The following FOXK1 variants were observed in gnomAD, a reference collection of about 807,000 sequenced individuals.
The protein encoded by FOXK1 is forkhead box protein K1.
A neutral mutation model predicts 51.9 loss-of-function variants in FOXK1; 19 were observed. That is an observed-to-expected ratio of 0.37 (90% CI 0.26 to 0.54). The LOEUF (loss-of-function observed/expected upper bound fraction) is 0.54. FOXK1 is among the 20% of genes least tolerant of loss of function. The pLI is 0.87. For missense variants in FOXK1, 870 were observed against 1,032.7 expected, an observed-to-expected ratio of 0.84 and a Z score of 2.16; for synonymous variants, 537 against 482.6, an observed-to-expected ratio of 1.11 and a Z score of -1.48.
At position 4,682,423 on chromosome 7, in the gene FOXK1, C is replaced by G. The variant is rs1041719660; in HGVS notation, c.115C>G (p.Pro39Ala). The change falls in exon 1 of 9, where the codon CCC becomes GCC. Residue 39 changes from proline (P) to alanine (A), a missense_variant. Physicochemically the swap from Pro to Ala is conservative, Grantham distance 27. Coordinates refer to ENST00000328914, the MANE Select transcript of FOXK1 (RefSeq NM_001037165.2). The surrounding 1 kb of genome is among the most constrained non-coding windows in gnomAD (Gnocchi z 7.6). The stretch of plus-strand genomic sequence containing the variant: ...CGCCGCCGCCTTCCCCGCGGCCGCA[C>G]CCCCGCCGGCCCCCGCGCAGCCCCA... ...AAAAAFPAAAPPPAPAQPQPP... is the reference protein window; with the variant it reads ...AAAAAFPAAAAPPAPAQPQPP... 2.0e-6 allele frequency: 2 copies of G among 980,786 alleles called. No individual in the cohort carries two copies. Among genetic ancestry groups the G allele is most frequent in the Non-Finnish European group, 2.4e-6 (2 of 828,454 alleles). 60.8% of individuals were successfully genotyped at this position (980,786 alleles called of 1,614,324 possible). A position where few individuals can be genotyped will look rare whatever the true frequency, so the allele number is the denominator to read the frequency against.
At position 4,723,821 on chromosome 7, in the gene FOXK1, C is replaced by T. The variant is rs1363361296; in HGVS notation, c.561-17017C>T. On this transcript the variant is annotated intron_variant, in intron 1 of 8. Transcript: ENST00000328914. The surrounding 1 kb of genome is among the most constrained non-coding windows in gnomAD (Gnocchi z 4.7). ...TAGCTGAGACTACCAGTGTGCACCA[C>T]CACACCTGGCTGACTTCTTTGTATT... Among the ~76,000 whole-genome samples, 2 of 152,110 alleles carry T rather than the reference C, an allele frequency of 1.3e-5. No homozygotes were observed.
At chr7:4,705,554 T>TCTCTCTCTCTCGCTCTCGCTCTCG (rs895937029) in intron 1 of FOXK1, among the ~76,000 whole-genome samples, 1 of 131,514 alleles carries the variant, frequency 7.6e-6, no homozygotes, top group Middle Eastern at 3.6e-3. Context: ...TCTCTCTCTC[T>TCTCTCTCTCTCGCTCTCGCTCTCG]CTCTCGCTCT....
chr7:4,691,852 T>C lies in FOXK1; in HGVS notation c.560+8984T>C, dbSNP rs540726324. 1.9e-3 allele frequency among the ~76,000 whole-genome samples: 283 copies of C among 152,228 alleles called. 1 individual carries two copies. The highest frequency in any genetic ancestry group is 6.5e-3 in the African/African-American group (268 of 41,524). ...CAGAGACCCTGTTATTATGAAGCTG[T>C]CCTCTAACCTGTTCCCCTAAGTGTC... On this transcript the variant is annotated intron_variant, in intron 1 of 8. Transcript: ENST00000328914.
chr7:4,740,859 C>T lies in FOXK1; in HGVS notation c.582C>T (p.Ser194=), dbSNP rs776338734. 65 of 1,595,964 alleles carry T rather than the reference C, an allele frequency of 4.1e-5. No individual in the cohort carries two copies. The highest frequency in any genetic ancestry group is 3.3e-4 in the Middle Eastern group (2 of 6,050). Residue 194 remains serine (S), a synonymous_variant, in exon 2 of 9, where the codon AGC becomes AGT. Transcript: ENST00000328914. The part of the protein sequence containing the change: ...LPKQCTFRFP[S]TAIKIQFTSL... ...GCAGGTGTACCTTCCGGTTTCCCAGCACGGCCATCAAGATCCAGTTCACGT... is the reference window on the plus strand; with the variant it reads ...GCAGGTGTACCTTCCGGTTTCCCAGTACGGCCATCAAGATCCAGTTCACGT...
At position 4,716,671 on chromosome 7, in the gene FOXK1, C is replaced by T. The variant is rs114037240; in HGVS notation, c.561-24167C>T. On this transcript the variant is annotated intron_variant, in intron 1 of 8. Transcript: ENST00000328914. ...CAAGACCCAGTGCTGCTCTTGGAAG[C>T]GGGTGAGTACAGAGGCCAGTGAGGG... Among the ~76,000 whole-genome samples, 656 of 152,220 alleles carry T rather than the reference C, an allele frequency of 4.3e-3. 6 individuals carry two copies. The highest frequency in any genetic ancestry group is 0.015 in the African/African-American group (630 of 41,532).
rs1313106910 is a variant in FOXK1, at chr7:4,740,939, A to C, written c.662A>C (p.Gln221Pro). The change falls in exon 2 of 9, where the codon CAG becomes CCG. Residue 221 changes from glutamine to proline, a missense_variant. Physicochemically the swap from Gln to Pro is moderately conservative, Grantham distance 76. This residue lies in a region of FOXK1 where 399 missense variants were observed against 475.6 expected (regional missense o/e 0.84). Coordinates refer to ENST00000328914, the MANE Select transcript of FOXK1 (RefSeq NM_001037165.2). Reference sequence around the variant, plus strand: ...TCCCCGCTGCGGCCACTGTACCCCCAGATCTCCCCTCTGAAGATCCACATC... The same window carrying C: ...TCCCCGCTGCGGCCACTGTACCCCCCGATCTCCCCTCTGAAGATCCACATC... The part of the protein sequence containing the change: ...PASPLRPLYP[Q>P]ISPLKIHIPE... 1.9e-6 allele frequency: 3 copies of C among 1,582,296 alleles called. No homozygotes were observed. The Admixed American group carries it at 5.5e-5, about 29-fold the overall frequency.
At chr7:4,744,558 C>A (rs542663045) in intron 2 of FOXK1, among the ~76,000 whole-genome samples, 1 of 152,354 alleles carries the variant, frequency 6.6e-6, no homozygotes, top group African/African-American at 2.4e-5. Flanking sequence ...CCAGCTCCAT[C>A]GCGTTGCTGC....
At position 4,706,036 on chromosome 7, in the gene FOXK1, G is replaced by GTGTATATATGTA. The variant is rs1562373226; in HGVS notation, c.560+23169_560+23170insGTATATATGTAT. Among the ~76,000 whole-genome samples the GTGTATATATGTA allele has an allele frequency of 4.8e-5, 6 of 125,584 alleles. 1 individual carries two copies. Among genetic ancestry groups the GTGTATATATGTA allele is most frequent in the African/African-American group, 1.3e-4 (3 of 23,496 alleles). 82.4% of individuals were successfully genotyped at this position (125,584 alleles called of 152,430 possible). On this transcript the variant is annotated intron_variant, in intron 1 of 8. Coordinates refer to ENST00000328914, the MANE Select transcript of FOXK1 (RefSeq NM_001037165.2). Reference sequence around the variant, plus strand: ...TACGTATATATACGTGTATATACGTGTATATACGTGTATATATGTATATAT... The same window carrying GTGTATATATGTA: ...TACGTATATATACGTGTATATACGTGTGTATATATGTATATATACGTGTATATATGTATATAT...
At chr7:4,720,907 C>T (rs1199705048) in intron 1 of FOXK1, among the ~76,000 whole-genome samples, 22 of 150,672 alleles carry the variant, frequency 1.5e-4, no homozygotes, top group African/African-American at 4.9e-4. Context: ...TTAGTATAGA[C>T]GGGGATCCAT....
intron 1 of FOXK1, among the ~76,000 whole-genome samples, chr7:4,691,589 G>T (rs867039001): frequency 2.0e-5 from 3 of 152,076 alleles, no homozygotes; most frequent in Non-Finnish European, 2.9e-5. Context: ...ACCCACCTCG[G>T]CCTCCCAAAG....
At position 4,729,194 on chromosome 7, in the gene FOXK1, C is replaced by T. The variant is rs1050943795; in HGVS notation, c.561-11644C>T. Among the ~76,000 whole-genome samples, 3 of 152,170 alleles carry T rather than the reference C, an allele frequency of 2.0e-5. No homozygotes were observed. Among genetic ancestry groups the T allele is most frequent in the Admixed American group, 6.5e-5 (1 of 15,272 alleles). On this transcript the variant is annotated intron_variant, in intron 1 of 8. Transcript: ENST00000328914. The surrounding 1 kb of genome is among the most constrained non-coding windows in gnomAD (Gnocchi z 6.2). ...GCATGGTGGGGAGCGGAGGTGATTT[C>T]GGAGCCTACTCTCCGATCCTCAGGA...
intron 1 of FOXK1, among the ~76,000 whole-genome samples, chr7:4,689,686 GT>G (rs1779868397): frequency 6.6e-6 from 1 of 152,176 alleles, no homozygotes; most frequent in African/African-American, 2.4e-5. Context: ...TTAGTTATAC[GT>G]TGTATAACCA....
At position 4,745,256 on chromosome 7, in the gene FOXK1, C is replaced by T. The variant is rs1371394014; in HGVS notation, c.746+4233C>T. On this transcript the variant is annotated intron_variant, in intron 2 of 8. Transcript: ENST00000328914. This position sits in a 1 kb window ranked among gnomAD's most constrained non-coding sequence, Gnocchi z 4.3. ...ATTCGCCTCGCCAGTCCTCATTGGC[C>T]GTGGAGTGGCTGGCTCGGTGTAGGC... 2.0e-5 allele frequency among the ~76,000 whole-genome samples: 3 copies of T among 152,196 alleles called. No homozygotes were observed. Among genetic ancestry groups the T allele is most frequent in the Non-Finnish European group, 2.9e-5 (2 of 68,038 alleles).
rs781074396 is a variant in FOXK1, at chr7:4,757,221, T to C, written c.1244+34T>C. ...CTCTGAGCGCCCGTCCTCCAGCTGT[T>C]AGGAAAGCTGAGCTGCCCTGGAGTT... On this transcript the variant is annotated intron_variant, in intron 5 of 8. Transcript: ENST00000328914. 1.9e-6 allele frequency: 3 copies of C among 1,546,254 alleles called. No homozygotes were observed. In the African/African-American group the frequency reaches 4.1e-5, roughly 21 times the overall value.
chr7:4,762,657 A>C lies in FOXK1; in HGVS notation c.*193A>C. 1 of 592,590 alleles carries C rather than the reference A, an allele frequency of 1.7e-6. No homozygotes were observed. The highest frequency in any genetic ancestry group is 3.0e-6 in the Non-Finnish European group (1 of 334,778). 36.7% of individuals were successfully genotyped at this position (592,590 alleles called of 1,614,324 possible). On this transcript the variant is annotated 3_prime_UTR_variant, in exon 9 of 9. Transcript: ENST00000328914. The surrounding 1 kb of genome is among the most constrained non-coding windows in gnomAD (Gnocchi z 5.7). ...CCCGTGGTTTAAGACAAAAACACAT[A>C]AACAAGTTCAGACAACTGATTGTAT...
At position 4,729,203 on chromosome 7, in the gene FOXK1, C is replaced by A. The variant is rs1015073215; in HGVS notation, c.561-11635C>A. Among the ~76,000 whole-genome samples, 11 of 152,332 alleles carry A rather than the reference C, an allele frequency of 7.2e-5. No homozygotes were observed. The highest frequency in any genetic ancestry group is 2.6e-4 in the African/African-American group (11 of 41,572). The stretch of plus-strand genomic sequence containing the variant: ...GGAGCGGAGGTGATTTCGGAGCCTA[C>A]TCTCCGATCCTCAGGATCCTCTTCG... On this transcript the variant is annotated intron_variant, in intron 1 of 8. Coordinates refer to ENST00000328914, the MANE Select transcript of FOXK1 (RefSeq NM_001037165.2). This position sits in a 1 kb window ranked among gnomAD's most constrained non-coding sequence, Gnocchi z 6.2.
Position 4,731,996 on chromosome 7 carries a change from C to A in FOXK1, c.561-8842C>A, listed in dbSNP as rs1393306357. Among the ~76,000 whole-genome samples the A allele has an allele frequency of 1.3e-5, 2 of 152,222 alleles. No homozygotes were observed. Among genetic ancestry groups the A allele is most frequent in the African/African-American group, 4.8e-5 (2 of 41,464 alleles). ...CGGGGCTCAGATTCAGTGACTTGCCCAGGTGCCCCCAGGGCATCTGAGCAG... is the reference window on the plus strand; with the variant it reads ...CGGGGCTCAGATTCAGTGACTTGCCAAGGTGCCCCCAGGGCATCTGAGCAG... On this transcript the variant is annotated intron_variant, in intron 1 of 8. Coordinates refer to ENST00000328914, the MANE Select transcript of FOXK1 (RefSeq NM_001037165.2). This position sits in a 1 kb window ranked among gnomAD's most constrained non-coding sequence, Gnocchi z 5.3.
At position 4,761,524 on chromosome 7, in the gene FOXK1, T is replaced by C. The variant is rs1428952117; in HGVS notation, c.1921+236T>C. Among the ~76,000 whole-genome samples, 1 of 152,008 alleles carries C rather than the reference T, an allele frequency of 6.6e-6. No homozygotes were observed. The highest frequency in any genetic ancestry group is 6.5e-5 in the Admixed American group (1 of 15,268). ...AGGCAGATCGCTTGAGCTCAGGAGT[T>C]CGAGACCAGCCCGGGCAACATAGCA... On this transcript the variant is annotated intron_variant, in intron 8 of 8. Transcript: ENST00000328914. The surrounding 1 kb of genome is among the most constrained non-coding windows in gnomAD (Gnocchi z 6.2).
rs1780928259 is a variant in FOXK1, at chr7:4,761,224, C to G, written c.1857C>G (p.Val619=). ...PVTLGQHHLP[V]RAVTQNGKHA... ...CCCTCGGGCAGCACCACCTTCCAGT[C>G]CGGGCCGTGACCCAGAACGGAAAGC... Residue 619 remains valine, a synonymous_variant, in exon 8 of 9, where the codon GTC becomes GTG. Coordinates refer to ENST00000328914, the MANE Select transcript of FOXK1 (RefSeq NM_001037165.2). This position sits in a 1 kb window ranked among gnomAD's most constrained non-coding sequence, Gnocchi z 6.2. 1 of 1,613,086 alleles carries G rather than the reference C, an allele frequency of 6.2e-7. No homozygotes were observed. The highest frequency in any genetic ancestry group is 1.7e-5 in the Admixed American group (1 of 60,010).
Sources: allele counts gnomAD v4.1 joint callset (sites outside exome capture counted in the v4.1 genomes callset), GRCh38; gene constraint gnomAD v4.1.1; regional missense constraint gnomAD v4.1.1; non-coding constraint Gnocchi (gnomAD v3.1); transcripts MANE v1.5; gene names NCBI Gene and HGNC (gene_info 2026-07-23, HGNC 2026-07-21).